Variants in OPHN1 observed in about 807,000 individuals in gnomAD.
The protein encoded by OPHN1 is oligophrenin 1, also known as oligophrenin-1.
OPHN1 carries 11 observed loss-of-function variants against 60.7 expected under a neutral mutation model. The ratio of observed to expected loss-of-function variants is 0.18; its 90% CI spans 0.11 to 0.30. OPHN1 has a LOEUF of 0.30. Among genes scored for constraint, OPHN1 ranks in the 10% least tolerant of loss-of-function variants. The pLI, the probability that OPHN1 is intolerant of heterozygous loss-of-function variation, is 1.00. For missense variants in OPHN1, 449 were observed against 611.0 expected (o/e 0.73, Z 2.80); for synonymous variants, 226 against 222.6 (o/e 1.02, Z -0.14).
chrX:68,387,629 C>T (rs146718504), intron 2 of OPHN1, among the ~76,000 whole-genome samples: 3,026 of 111,012 alleles, frequency 0.027, 56 homozygotes, highest in Non-Finnish European at 0.04. Flanking sequence ...TAGGACAGTG[C>T]GTGGCATACA....
chrX:68,085,924 A>G (rs954555348), intron 19 of OPHN1, among the ~76,000 whole-genome samples: 1 of 111,606 alleles, frequency 9.0e-6, no homozygotes, highest in Non-Finnish European at 1.9e-5. Context: ...CAAGCCTGTA[A>G]CCCCAGCACT....
chrX:68,420,289 C>T (rs904215729), intron 2 of OPHN1, among the ~76,000 whole-genome samples: 76 of 111,853 alleles, frequency 6.8e-4, no homozygotes, highest in South Asian at 3.7e-4. Context: ...AATGGGGAAC[C>T]GTGGAAAGAA....
chrX:68,243,641 G>C (rs987496079), intron 5 of OPHN1, among the ~76,000 whole-genome samples: 1 of 111,655 alleles, frequency 9.0e-6, no homozygotes, highest in African/African-American at 3.3e-5. Flanking sequence ...GCCCGTCTTG[G>C]CCTCCCAAAG....
chrX:68,413,748 A>G (rs901813751), intron 2 of OPHN1, among the ~76,000 whole-genome samples: 1 of 111,555 alleles, frequency 9.0e-6, no homozygotes, highest in Non-Finnish European at 1.9e-5. Flanking sequence ...CTCTACAAAA[A>G]AACAACAAAC....
At chrX:68,287,614 A>G (rs988623690) in intron 3 of OPHN1, among the ~76,000 whole-genome samples, 7 of 111,772 alleles carry the variant, frequency 6.3e-5, no homozygotes, top group African/African-American at 1.9e-4. Context: ...CACCCATTCT[A>G]CCCTCACCCA....
At chrX:68,152,455 T>C (rs1416075004) in intron 15 of OPHN1, among the ~76,000 whole-genome samples, 1 of 87,621 alleles carries the variant, frequency 1.1e-5, no homozygotes, top group Non-Finnish European at 2.0e-5. Context: ...TTTTTTATTC[T>C]TTTTTTTTTT....
At chrX:68,118,420 G>A (rs1208125621) in intron 16 of OPHN1, among the ~76,000 whole-genome samples, 1 of 111,845 alleles carries the variant, frequency 8.9e-6, no homozygotes, top group Non-Finnish European at 1.9e-5. Context: ...AAAGCTCTAA[G>A]ATGATGCTAC....
At chrX:68,187,581 C>G (rs1489085038) in intron 15 of OPHN1, among the ~76,000 whole-genome samples, 1 of 110,156 alleles carries the variant, frequency 9.1e-6, no homozygotes, top group Non-Finnish European at 1.9e-5. Context: ...CTACTGACCT[C>G]CAGAACTATA....
At chrX:68,105,511 C>T (rs1209697802) in intron 18 of OPHN1, among the ~76,000 whole-genome samples, 1 of 110,084 alleles carries the variant, frequency 9.1e-6, no homozygotes, top group African/African-American at 3.3e-5. Flanking sequence ...TTTGCAGGGA[C>T]ATGGATGAAG....
intron 5 of OPHN1, among the ~76,000 whole-genome samples, chrX:68,264,907 C>T (rs1285448862): frequency 2.7e-5 from 3 of 112,514 alleles, no homozygotes; most frequent in East Asian, 2.8e-4. Context: ...GAGGGTCCTA[C>T]GCCCACAGAG....
intron 15 of OPHN1, among the ~76,000 whole-genome samples, chrX:68,120,899 A>T (rs921400355): frequency 8.9e-6 from 1 of 112,209 alleles, no homozygotes; most frequent in Middle Eastern, 4.2e-3. Context: ...CAGGGAAAGG[A>T]TACTCTATTC....
intron 2 of OPHN1, among the ~76,000 whole-genome samples, chrX:68,332,320 GA>G (rs1229689429): frequency 9.0e-6 from 1 of 111,221 alleles, no homozygotes; most frequent in East Asian, 2.8e-4. Flanking sequence ...GACATGGTGA[GA>G]AACCCAAAGA....
chrX:68,263,094 C>T (rs930869227), intron 5 of OPHN1, among the ~76,000 whole-genome samples: 5 of 111,938 alleles, frequency 4.5e-5, no homozygotes, highest in Non-Finnish European at 9.4e-5. Context: ...CCACTTGAAG[C>T]ATCAATGCCA....
intron 2 of OPHN1, among the ~76,000 whole-genome samples, chrX:68,428,811 T>C (rs776431422): frequency 2.7e-5 from 3 of 111,757 alleles, no homozygotes; most frequent in Non-Finnish European, 3.8e-5. Flanking sequence ...AAGTTGGCAA[T>C]ATAGTCACCT....
chrX:68,277,562 G>A (rs1461737744), intron 4 of OPHN1, among the ~76,000 whole-genome samples: 3 of 112,322 alleles, frequency 2.7e-5, no homozygotes, highest in Non-Finnish European at 5.6e-5. Flanking sequence ...AGCCGAGGCA[G>A]GTGAATCACC....
intron 15 of OPHN1, among the ~76,000 whole-genome samples, chrX:68,169,420 GA>G (rs1419366299): frequency 1.8e-5 from 2 of 110,059 alleles, no homozygotes; most frequent in Non-Finnish European, 3.8e-5. Context: ...CACAGAATTG[GA>G]AAAAACTACT....
chrX:68,117,332 C>T (rs749069488), intron 16 of OPHN1, among the ~76,000 whole-genome samples: 3 of 111,806 alleles, frequency 2.7e-5, no homozygotes, highest in South Asian at 7.5e-4. Flanking sequence ...AAATGGGTGA[C>T]GTCTTCCTAT....
chrX:68,183,000 A>G (rs1368056179), intron 15 of OPHN1, among the ~76,000 whole-genome samples: 1 of 112,071 alleles, frequency 8.9e-6, no homozygotes. Flanking sequence ...TAACTTGCTG[A>G]CAACAGTATC....
Position 68,053,510 on chromosome X carries a change from T to C in OPHN1, c.2324+135A>G. Reference sequence around the variant, plus strand: ...GAATACTCCCAACAGGGCTGGCCTATGATATTTCCCTAGACTATAAAGTGA... The same window carrying C: ...GAATACTCCCAACAGGGCTGGCCTACGATATTTCCCTAGACTATAAAGTGA... On this transcript the variant is annotated intron_variant, in intron 22 of 24. Coordinates refer to ENST00000355520, the MANE Select transcript of OPHN1 (RefSeq NM_002547.3). 4.7e-6 allele frequency: 3 copies of C among 643,688 alleles called. No individual in the cohort carries two copies. In the Admixed American group the frequency reaches 8.1e-5, roughly 17 times the overall value. 53.0% of individuals were successfully genotyped at this position (643,688 alleles called of 1,213,427 possible). A position where few individuals can be genotyped will look rare whatever the true frequency, so the allele number is the denominator to read the frequency against.
Sources: allele counts gnomAD v4.1 joint callset (sites outside exome capture counted in the v4.1 genomes callset), GRCh38; gene constraint gnomAD v4.1.1; transcripts MANE v1.5; gene names NCBI Gene and HGNC (gene_info 2026-07-23, HGNC 2026-07-21).